The following WRAP73 variants were observed in gnomAD, a reference collection of about 807,000 sequenced individuals.
WRAP73 encodes WD repeat-containing protein WRAP73.
A neutral mutation model predicts 59.6 loss-of-function variants in WRAP73; 55 were observed. The observed-to-expected ratio is 0.92, with a 90% CI of 0.74 to 1.15. WRAP73 has a LOEUF of 1.15. Among genes scored for constraint, WRAP73 ranks in the 50% most tolerant of loss-of-function variants. WRAP73 has a pLI of 0.00. For missense variants in WRAP73, 592 were observed against 608.1 expected, an observed-to-expected ratio of 0.97 and a Z score of 0.28; for synonymous variants, 265 against 258.2, an observed-to-expected ratio of 1.03 and a Z score of -0.25.
chr1:3,634,358 C>G (rs1644569383), intron 8 of WRAP73: 4 of 157,784 alleles, frequency 2.5e-5, no homozygotes, highest in African/African-American at 7.2e-5. Flanking sequence ...AGGTCAACAC[C>G]AGGAGGGCAG....
At chr1:3,640,118 GGA>G (rs1236776019) in intron 3 of WRAP73, among the ~76,000 whole-genome samples, 1 of 152,224 alleles carries the variant, frequency 6.6e-6, no homozygotes, top group African/African-American at 2.4e-5. Flanking sequence ...CACAGGTAGT[GGA>G]TCAACGAGCT....
intron 3 of WRAP73, among the ~76,000 whole-genome samples, chr1:3,643,297 G>A (rs1644663700): frequency 6.6e-6 from 1 of 152,378 alleles, no homozygotes; most frequent in African/African-American, 2.4e-5. Context: ...TGAGACTCAA[G>A]AACAGTGAGG....
rs2101963299 is a variant in WRAP73 at position 3,639,799 on chromosome 1, G to A, written c.340-977C>T. On this transcript the variant is annotated intron_variant, in intron 3 of 11. Coordinates refer to ENST00000270708, the MANE Select transcript of WRAP73 (RefSeq NM_017818.4). This position sits in a 1 kb window ranked among gnomAD's most constrained non-coding sequence, Gnocchi z 4.3. Reference sequence around the variant, plus strand: ...GCTCCGTGTGTGGGGACACAGGGCTGCGCAGCTCCATGCGGGGTGGGGTGC... The same window carrying A: ...GCTCCGTGTGTGGGGACACAGGGCTACGCAGCTCCATGCGGGGTGGGGTGC... Among the ~76,000 whole-genome samples the A allele has an allele frequency of 6.7e-6, 1 of 150,172 alleles. No individual in the cohort carries two copies. Among genetic ancestry groups the A allele is most frequent in the East Asian group, 2.0e-4 (1 of 5,120 alleles).
rs779159475 is a variant in WRAP73 at position 3,638,788 on chromosome 1, G to C, written c.374C>G (p.Ser125Cys). ...RITVWSLCTK[S>C]VSYIKYPKAC... Reference sequence around the variant, plus strand: ...TTTCGGGTATTTGATGTAAGACACGGATTTTGTGCACAAGGACCAGACGGT... The same window carrying C: ...TTTCGGGTATTTGATGTAAGACACGCATTTTGTGCACAAGGACCAGACGGT... The change falls in exon 4 of 12, where the codon TCC (serine) becomes TGC (cysteine). Residue 125 changes from serine (S) to cysteine (C), a missense_variant. By Grantham distance (112) the Ser-to-Cys change is moderately radical. Transcript: ENST00000270708. 1.1e-5 allele frequency: 18 copies of C among 1,614,182 alleles called. No individual in the cohort carries two copies. The highest frequency in any genetic ancestry group is 1.4e-5 in the Non-Finnish European group (17 of 1,180,014).
At chr1:3,632,571 G>C in intron 9 of WRAP73, 2 of 586,642 alleles carry the variant, frequency 3.4e-6, no homozygotes, top group South Asian at 1.9e-5. Context: ...GGCCCGACTA[G>C]GTGGGGGGTG....
chr1:3,646,490 A>G lies in WRAP73; in HGVS notation c.339+176T>C, dbSNP rs1644691981. ...ACAGGTATGCTGTATAGGAAAAAAC[A>G]CAGGAAATACAGGGTTTGGTACAAT... On this transcript the variant is annotated intron_variant, in intron 3 of 11. Coordinates refer to ENST00000270708, the MANE Select transcript of WRAP73 (RefSeq NM_017818.4). This position sits in a 1 kb window ranked among gnomAD's most constrained non-coding sequence, Gnocchi z 5.1. 6.6e-6 allele frequency among the ~76,000 whole-genome samples: 1 copy of G among 152,234 alleles called. No homozygotes were observed. The highest frequency in any genetic ancestry group is 1.5e-5 in the Non-Finnish European group (1 of 68,036).
At position 3,637,148 on chromosome 1, in the gene WRAP73, A is replaced by AAG. The variant is rs754099522; in HGVS notation, c.413-52_413-51dup. 5.4e-6 allele frequency: 8 copies of AAG among 1,475,510 alleles called. No homozygotes were observed. In the Admixed American group the frequency reaches 1.5e-4, roughly 28 times the overall value. 91.4% of individuals were successfully genotyped at this position (1,475,510 alleles called of 1,614,324 possible). ...AAATCAAGCGGCCACAAAATCAAGCAAGAGAAACCACAGTAGTAATTCACA... is the reference window on the plus strand; with the variant it reads ...AAATCAAGCGGCCACAAAATCAAGCAAGAGAGAAACCACAGTAGTAATTCACA... On this transcript the variant is annotated intron_variant, in intron 4 of 11. Coordinates refer to ENST00000270708, the MANE Select transcript of WRAP73 (RefSeq NM_017818.4).
At chr1:3,648,004 C>A (rs188103269) in intron 1 of WRAP73, among the ~76,000 whole-genome samples, 2 of 152,148 alleles carry the variant, frequency 1.3e-5, no homozygotes, top group Non-Finnish European at 1.5e-5. Flanking sequence ...CAGATGACAA[C>A]GAAAATGGCA....
At chr1:3,635,862 A>G (rs1644584441) in intron 6 of WRAP73, 82 bp downstream of exon 6, 2 of 1,207,884 alleles carry the variant, frequency 1.7e-6, no homozygotes. Context: ...AAGATAAAGC[A>G]AACTATATTG....
rs545620089 is a variant in WRAP73 at position 3,639,778 on chromosome 1, CG to C, written c.340-957del. Among the ~76,000 whole-genome samples, 1 of 151,814 alleles carries C rather than the reference CG, an allele frequency of 6.6e-6. No individual in the cohort carries two copies. Among genetic ancestry groups the C allele is most frequent in the South Asian group, 2.1e-4 (1 of 4,796 alleles). On this transcript the variant is annotated intron_variant, in intron 3 of 11. Coordinates refer to ENST00000270708, the MANE Select transcript of WRAP73 (RefSeq NM_017818.4). This position sits in a 1 kb window ranked among gnomAD's most constrained non-coding sequence, Gnocchi z 4.3. ...GGGGTGGGGTGCTGACTGCCAGCTC[CG>C]TGTGTGGGGACACAGGGCTGCGCAG... is the stretch of plus-strand genomic sequence containing the variant.
chr1:3,645,861 C>T (rs1430291289), intron 3 of WRAP73, among the ~76,000 whole-genome samples: 1 of 152,146 alleles, frequency 6.6e-6, no homozygotes, highest in African/African-American at 2.4e-5. Context: ...GAATGGGCGG[C>T]TGCCGACCGC....
intron 8 of WRAP73, chr1:3,634,303 T>C (rs192184193): frequency 2.6e-4 from 40 of 155,182 alleles, no homozygotes; most frequent in African/African-American, 9.6e-4. Flanking sequence ...CTCACTGGCC[T>C]CTTCATCGAA....
intron 6 of WRAP73, 113 bp from the exon 7 acceptor site, chr1:3,635,407 C>T: frequency 6.9e-7 from 1 of 1,447,456 alleles, no homozygotes; most frequent in African/African-American, 1.4e-5. Flanking sequence ...GCTGGCAGGA[C>T]TGTCCGCGTG....
intron 2 of WRAP73, chr1:3,647,136 T>A (rs1368546380): frequency 2.2e-6 from 1 of 453,478 alleles, no homozygotes; most frequent in Non-Finnish European, 3.9e-6. Context: ...AAAACACGAC[T>A]TCTTAGGACT....
chr1:3,637,672 T>C (rs1401548763), intron 4 of WRAP73, among the ~76,000 whole-genome samples: 1 of 152,182 alleles, frequency 6.6e-6, no homozygotes, highest in South Asian at 2.1e-4. Context: ...TGAAACCCCA[T>C]CTCTACAAAA....
rs72855493 is a variant in WRAP73, at chr1:3,636,649, G to A, written c.516+346C>T. ...TCTGTGCCTGGGCACCTGGCAGAGC[G>A]CCCTGCCTAATGCAGGCCCTCAGTC... On this transcript the variant is annotated intron_variant, in intron 5 of 11. Coordinates refer to ENST00000270708, the MANE Select transcript of WRAP73 (RefSeq NM_017818.4). 426 of 383,144 alleles carry A rather than the reference G, an allele frequency of 1.1e-3. 1 individual carries two copies. The highest frequency in any genetic ancestry group is 8.2e-3 in the African/African-American group (395 of 47,980). 23.7% of individuals were successfully genotyped at this position (383,144 alleles called of 1,614,324 possible). A position where few individuals can be genotyped will look rare whatever the true frequency, so the allele number is the denominator to read the frequency against.
chr1:3,635,514 T>G, intron 6 of WRAP73: 1 of 620,000 alleles, frequency 1.6e-6, no homozygotes, highest in East Asian at 2.9e-5. Context: ...GTCAACCTAA[T>G]GGCTCGCTGA....
At position 3,647,350 on chromosome 1, in the gene WRAP73, C is replaced by A. The variant is rs1644701506; in HGVS notation, c.222+58G>T. 5.3e-6 allele frequency: 8 copies of A among 1,523,806 alleles called. No individual in the cohort carries two copies. The South Asian group carries it at 1.0e-4, about 19-fold the overall frequency. The allele number at this position is 1,523,806 out of a possible 1,614,324, so 94.4% of individuals were successfully genotyped here. On this transcript the variant is annotated intron_variant, in intron 2 of 11. Coordinates refer to ENST00000270708, the MANE Select transcript of WRAP73 (RefSeq NM_017818.4). ...ACTAGAAAGGCACAGAACAAAACCC[C>A]TCCTTCCCAGGGGCCCTCAGAAGGT...
intron 3 of WRAP73, among the ~76,000 whole-genome samples, chr1:3,643,337 G>A (rs78348416): frequency 0.032 from 4,810 of 152,386 alleles, 251 homozygotes; most frequent in African/African-American, 0.11. Context: ...TGGGGCAAAG[G>A]TGCCCTCAGG....
Sources: allele counts gnomAD v4.1 joint callset (sites outside exome capture counted in the v4.1 genomes callset), GRCh38; gene constraint gnomAD v4.1.1; non-coding constraint Gnocchi (gnomAD v3.1); transcripts MANE v1.5; gene names NCBI Gene and HGNC (gene_info 2026-07-23, HGNC 2026-07-21).